The following COP1 variants were observed in gnomAD, a reference collection of about 807,000 sequenced individuals.
The protein encoded by COP1 is E3 ubiquitin-protein ligase COP1.
A neutral mutation model predicts 101.3 loss-of-function variants in COP1; 24 were observed. The ratio of observed to expected loss-of-function variants is 0.24; its 90% CI spans 0.17 to 0.33. The LOEUF is 0.33. Ranked by LOEUF, COP1 falls within the 10% of genes least tolerant of loss-of-function variation. The pLI is 1.00. For missense variants in COP1, 663 were observed against 906.2 expected (o/e 0.73, Z 3.45); for synonymous variants, 347 against 341.9 (o/e 1.01, Z -0.17).
chr1:176,190,867 T>TAGTAG (rs1370097256), intron 1 of COP1, among the ~76,000 whole-genome samples: 2 of 152,058 alleles, frequency 1.3e-5, no homozygotes, highest in African/African-American at 2.4e-5. Context: ...AACTGTCTTA[T>TAGTAG]AGTAGTACTG....
At chr1:176,184,716 G>C (rs1320212327) in intron 1 of COP1, 24 bp from the exon 2 acceptor site, 1 of 1,557,710 alleles carries the variant, frequency 6.4e-7, no homozygotes, top group Non-Finnish European at 8.8e-7. Flanking sequence ...AAAAATAATT[G>C]ATTTTTTTTT....
intron 11 of COP1, among the ~76,000 whole-genome samples, chr1:176,059,378 T>C (rs770819429): frequency 3.9e-5 from 6 of 152,252 alleles, no homozygotes; most frequent in Non-Finnish European, 8.8e-5. Flanking sequence ...AGGTAAGTAT[T>C]TACAAATTAA....
intron 15 of COP1, among the ~76,000 whole-genome samples, chr1:175,991,957 G>A (rs192494407): frequency 2.6e-5 from 4 of 152,116 alleles, no homozygotes; most frequent in Admixed American, 2.6e-4. Context: ...AAAAACAAGT[G>A]TAAGAAGTAC....
At chr1:176,151,353 A>AAAG (rs1692461362) in intron 5 of COP1, among the ~76,000 whole-genome samples, 3 of 116,098 alleles carry the variant, frequency 2.6e-5, no homozygotes, top group African/African-American at 3.5e-5. Flanking sequence ...GAAAGAAAGA[A>AAAG]AAAGAAAGAA....
At chr1:176,042,844 C>T (rs1670863345) in intron 14 of COP1, among the ~76,000 whole-genome samples, 1 of 150,092 alleles carries the variant, frequency 6.7e-6, no homozygotes, top group South Asian at 2.1e-4. Flanking sequence ...GTCTGGCTAA[C>T]ATGTTGAAAC....
chr1:176,096,110 C>G (rs992274860), intron 9 of COP1, among the ~76,000 whole-genome samples: 1 of 152,122 alleles, frequency 6.6e-6, no homozygotes, highest in Admixed American at 6.5e-5. Flanking sequence ...CTAATCTTTC[C>G]TAGTTGTGTG....
intron 19 of COP1, 148 bp from the exon 20 acceptor site, chr1:175,945,318 G>A (rs1649024897): frequency 3.3e-6 from 2 of 608,878 alleles, no homozygotes; most frequent in East Asian, 3.0e-5. Context: ...GAATGGATTG[G>A]ACATTAATCC....
At chr1:175,960,096 A>G (rs928999666) in intron 18 of COP1, among the ~76,000 whole-genome samples, 12 of 152,156 alleles carry the variant, frequency 7.9e-5, no homozygotes, top group Non-Finnish European at 1.6e-4. Context: ...AATTTTACAG[A>G]GTTTTCTATA....
chr1:175,953,209 T>G (rs1272622332), intron 18 of COP1, among the ~76,000 whole-genome samples: 1 of 151,834 alleles, frequency 6.6e-6, no homozygotes, highest in African/African-American at 2.4e-5. Context: ...TATTATAAAC[T>G]TTAGAGAAAC....
chr1:176,036,925 G>T (rs992472073), intron 14 of COP1, among the ~76,000 whole-genome samples: 10 of 152,076 alleles, frequency 6.6e-5, no homozygotes, highest in African/African-American at 2.2e-4. Context: ...CATAAATCTT[G>T]TAACAAATAA....
chr1:176,199,830 C>T (rs1480699326), intron 1 of COP1, among the ~76,000 whole-genome samples: 1 of 152,182 alleles, frequency 6.6e-6, no homozygotes, highest in Non-Finnish European at 1.5e-5. Flanking sequence ...TGTATCATAT[C>T]TTCATTAGGG....
intron 9 of COP1, among the ~76,000 whole-genome samples, chr1:176,113,309 T>A (rs1010101530): frequency 6.6e-6 from 1 of 152,210 alleles, no homozygotes; most frequent in African/African-American, 2.4e-5. Flanking sequence ...TGATAAGTAT[T>A]TTTACATATA....
At chr1:176,032,831 A>G (rs1217135672) in intron 14 of COP1, among the ~76,000 whole-genome samples, 1 of 152,074 alleles carries the variant, frequency 6.6e-6, no homozygotes, top group East Asian at 1.9e-4. Flanking sequence ...ACTAGCAGGC[A>G]GAGATCCCTG....
chr1:176,123,482 T>C (rs1687482489), intron 8 of COP1, among the ~76,000 whole-genome samples: 1 of 152,154 alleles, frequency 6.6e-6, no homozygotes, highest in Non-Finnish European at 1.5e-5. Flanking sequence ...GTTTCCTATG[T>C]GACTCTAAAT....
Position 176,015,296 on chromosome 1 carries a change from C to T in COP1, c.1729+12276G>A, listed in dbSNP as rs74544018. ...CTGAAGGGAAACAAGTAGAGAAGAG[C>T]TGAGTATTCAGGCAAGAGGTTACTC... On this transcript the variant is annotated intron_variant, in intron 15 of 19. Coordinates refer to ENST00000367669, the MANE Select transcript of COP1 (RefSeq NM_022457.7). Among the ~76,000 whole-genome samples the T allele has an allele frequency of 2.5e-4, 38 of 152,294 alleles. No individual in the cohort carries two copies. In the East Asian group the frequency reaches 6.6e-3, roughly 26 times the overall value.
At chr1:175,995,124 A>T (rs1381432292) in intron 15 of COP1, among the ~76,000 whole-genome samples, 1 of 152,262 alleles carries the variant, frequency 6.6e-6, no homozygotes, top group Non-Finnish European at 1.5e-5. Context: ...TGGAAAGTGA[A>T]CAACTTGCTC....
intron 18 of COP1, among the ~76,000 whole-genome samples, chr1:175,956,320 A>G (rs1405951918): frequency 6.6e-6 from 1 of 152,168 alleles, no homozygotes; most frequent in African/African-American, 2.4e-5. Flanking sequence ...ACAACTGTAT[A>G]TACAGAAAAA....
intron 15 of COP1, among the ~76,000 whole-genome samples, chr1:176,005,085 G>A (rs1178063844): frequency 2.0e-5 from 3 of 152,270 alleles, no homozygotes; most frequent in African/African-American, 4.8e-5. Context: ...TCTTGGGAGG[G>A]TGTATGTGTC....
At chr1:176,165,361 C>CGTGTGTGTGT (rs34291468) in intron 3 of COP1, among the ~76,000 whole-genome samples, 1,849 of 132,096 alleles carry the variant, frequency 0.014, 36 homozygotes, top group East Asian at 0.023. Context: ...AGATGTGTGT[C>CGTGTGTGTGT]GTGTGTGTGT....
Sources: allele counts gnomAD v4.1 joint callset (sites outside exome capture counted in the v4.1 genomes callset), GRCh38; gene constraint gnomAD v4.1.1; transcripts MANE v1.5; gene names NCBI Gene and HGNC (gene_info 2026-07-23, HGNC 2026-07-21).